The following MIPOL1 variants were observed in gnomAD, a reference collection of about 807,000 sequenced individuals.
MIPOL1 encodes the protein mirror-image polydactyly gene 1 protein.
In MIPOL1, 57 loss-of-function variants were observed where a neutral mutation model predicts 60.9. That is an observed-to-expected ratio of 0.94 (90% CI 0.76 to 1.17). MIPOL1 has a LOEUF of 1.17. MIPOL1 is among the 50% of genes most tolerant of loss of function. The probability of loss-of-function intolerance (pLI) is 0.00; values close to 1 mark genes in which losing one functional copy is unlikely to be tolerated. For missense variants in MIPOL1, 551 were observed against 511.6 expected (o/e 1.08, Z -0.74); for synonymous variants, 179 against 168.8 (o/e 1.06, Z -0.47).
chr14:37,480,336 C>T (rs1266386065), intron 11 of MIPOL1, among the ~76,000 whole-genome samples: 1 of 152,046 alleles, frequency 6.6e-6, no homozygotes, highest in Non-Finnish European at 1.5e-5. Flanking sequence ...TTCAACAACA[C>T]ATTATAAATC....
rs112786594 is a variant in MIPOL1, at chr14:37,489,496, A to G, written c.1032-10412A>G. ...ATCTAGTTTTATTCCCTTGCTGGCA[A>G]TGAGCTGTGATCCTTTGGAGGAGAA... is the stretch of plus-strand genomic sequence containing the variant. On this transcript the variant is annotated intron_variant, in intron 11 of 12. Transcript: ENST00000684589. Among the ~76,000 whole-genome samples the G allele has an allele frequency of 3.6e-3, 553 of 152,226 alleles. 5 individuals are homozygous for G. The highest frequency in any genetic ancestry group is 0.012 in the African/African-American group (488 of 41,530).
At chr14:37,206,981 G>A (rs1284103653) in intron 1 of MIPOL1, among the ~76,000 whole-genome samples, 2 of 152,190 alleles carry the variant, frequency 1.3e-5, no homozygotes, top group African/African-American at 4.8e-5. Context: ...GAGACTTAGG[G>A]CTGTGGACTT....
chr14:37,527,179 A>G (rs535680577), intron 12 of MIPOL1, among the ~76,000 whole-genome samples: 1 of 152,090 alleles, frequency 6.6e-6, no homozygotes, highest in East Asian at 1.9e-4. Flanking sequence ...TTTTTATTAT[A>G]TGCACTGTAA....
chr14:37,483,780 G>A (rs1354480951), intron 11 of MIPOL1, among the ~76,000 whole-genome samples: 2 of 152,026 alleles, frequency 1.3e-5, no homozygotes, highest in African/African-American at 4.8e-5. Flanking sequence ...GACTACGAGT[G>A]TATGCCTCCA....
chr14:37,452,173 T>G (rs962494713), intron 11 of MIPOL1, among the ~76,000 whole-genome samples: 2 of 152,246 alleles, frequency 1.3e-5, no homozygotes, highest in Admixed American at 6.5e-5. Context: ...AAGAAAGAGA[T>G]ATGGCTACTA....
intron 7 of MIPOL1, among the ~76,000 whole-genome samples, chr14:37,296,484 A>G (rs1055532439): frequency 6.6e-6 from 1 of 152,212 alleles, no homozygotes; most frequent in African/African-American, 2.4e-5. Flanking sequence ...TAGAGACACA[A>G]AAAACCATTC....
intron 1 of MIPOL1, among the ~76,000 whole-genome samples, chr14:37,224,903 A>C (rs10140175): frequency 1.3e-4 from 19 of 151,944 alleles, no homozygotes; most frequent in African/African-American, 4.6e-4. Context: ...CTAGATATAA[A>C]GGGGGTATAG....
At chr14:37,242,525 T>C (rs1972515570) in intron 1 of MIPOL1, among the ~76,000 whole-genome samples, 1 of 152,204 alleles carries the variant, frequency 6.6e-6, no homozygotes, top group Non-Finnish European at 1.5e-5. Context: ...ATAGATCTCT[T>C]GCATTTATGA....
Position 37,431,745 on chromosome 14 carries a change from A to AT in MIPOL1, c.1031+8809dup, listed in dbSNP as rs796193149. 8.6e-3 allele frequency among the ~76,000 whole-genome samples: 1,189 copies of AT among 138,548 alleles called. 13 individuals are homozygous for AT. Among genetic ancestry groups the AT allele is most frequent in the African/African-American group, 0.023 (849 of 36,370 alleles). The allele number at this position is 138,548 out of a possible 152,430, so 90.9% of individuals were successfully genotyped here. ...AGGCACCCGCCACCATGCCTGGCTA[A>AT]TTTTTTTTTTTTTGTACTTTTAGTA... On this transcript the variant is annotated intron_variant, in intron 11 of 12. Transcript: ENST00000684589.
Position 37,456,254 on chromosome 14 carries a change from A to ATT in MIPOL1, c.1031+33308_1031+33309dup, listed in dbSNP as rs555671808. On this transcript the variant is annotated intron_variant, in intron 11 of 12. Transcript: ENST00000684589. The stretch of plus-strand genomic sequence containing the variant: ...TGAATCTATCTTTTAAATAATGTAT[A>ATT]TTTTCTTGAATAGTTAACAAGTCAG... Among the ~76,000 whole-genome samples, 442 of 152,086 alleles carry ATT rather than the reference A, an allele frequency of 2.9e-3. 2 individuals carry two copies. The highest frequency in any genetic ancestry group is 0.01 in the African/African-American group (421 of 41,510).
chr14:37,264,310 A>C (rs2082711374), intron 3 of MIPOL1, among the ~76,000 whole-genome samples: 1 of 151,850 alleles, frequency 6.6e-6, no homozygotes, highest in Admixed American at 6.6e-5. Flanking sequence ...CCTGTTGCTT[A>C]CTCACTAATG....
intron 6 of MIPOL1, chr14:37,277,363 T>A (rs1420254592): frequency 6.6e-6 from 1 of 151,270 alleles, no homozygotes; most frequent in Admixed American, 6.6e-5. Flanking sequence ...AAAAATTTTT[T>A]AAGTTATATT....
At chr14:37,503,203 C>G (rs1006928785) in intron 12 of MIPOL1, 1 of 152,098 alleles carries the variant, frequency 6.6e-6, no homozygotes, top group Non-Finnish European at 1.5e-5. Context: ...GGATATTATC[C>G]AGGAGAAATT....
intron 9 of MIPOL1, among the ~76,000 whole-genome samples, chr14:37,338,462 G>A (rs1180446908): frequency 6.6e-6 from 1 of 151,436 alleles, no homozygotes; most frequent in African/African-American, 2.4e-5. Flanking sequence ...AGGCTAGAAT[G>A]CAGTGGTGTG....
intron 12 of MIPOL1, among the ~76,000 whole-genome samples, chr14:37,533,755 C>CACA (rs1225885194): frequency 6.6e-6 from 1 of 152,148 alleles, no homozygotes; most frequent in Non-Finnish European, 1.5e-5. Context: ...TACATTCTGT[C>CACA]ACATGCCTGC....
At chr14:37,508,607 T>C (rs1052590307) in intron 12 of MIPOL1, among the ~76,000 whole-genome samples, 9 of 152,166 alleles carry the variant, frequency 5.9e-5, no homozygotes, top group Admixed American at 6.6e-5. Flanking sequence ...TATAAAACAC[T>C]ATGCTAATGT....
rs552288497 is a variant in MIPOL1 at position 37,199,963 on chromosome 14, C to G, written c.-199+1859C>G. On this transcript the variant is annotated intron_variant, in intron 1 of 12. Coordinates refer to ENST00000684589, the MANE Select transcript of MIPOL1 (RefSeq NM_001388067.1). ...ATACTTCAGTGGCAGCTTGAGAATT[C>G]TGGTTCCTCCAAATGCTTGCAACAT... Among the ~76,000 whole-genome samples the G allele has an allele frequency of 6.6e-5, 10 of 152,284 alleles. No homozygotes were observed. The South Asian group carries it at 2.1e-3, about 32-fold the overall frequency.
rs1395824687 is a variant in MIPOL1 at position 37,252,210 on chromosome 14, A to G, written c.19+4303A>G. Reference sequence around the variant, plus strand: ...TACACACAAGTAGTTATTTTTATTTATGTATTATCTAAATTTAGATATAGA... The same window carrying G: ...TACACACAAGTAGTTATTTTTATTTGTGTATTATCTAAATTTAGATATAGA... On this transcript the variant is annotated intron_variant, in intron 3 of 12. Transcript: ENST00000684589. Among the ~76,000 whole-genome samples the G allele has an allele frequency of 3.3e-5, 5 of 151,702 alleles. 1 individual carries two copies. Among genetic ancestry groups the G allele is most frequent in the African/African-American group, 9.7e-5 (4 of 41,386 alleles).
intron 11 of MIPOL1, among the ~76,000 whole-genome samples, chr14:37,449,899 G>T (rs2094393200): frequency 6.6e-6 from 1 of 152,174 alleles, no homozygotes; most frequent in South Asian, 2.1e-4. Context: ...TGCAACCTTT[G>T]CCTCCTGGGT....
Sources: allele counts gnomAD v4.1 joint callset (sites outside exome capture counted in the v4.1 genomes callset), GRCh38; gene constraint gnomAD v4.1.1; transcripts MANE v1.5; gene names NCBI Gene and HGNC (gene_info 2026-07-23, HGNC 2026-07-21).